The following ZNF544 variants were observed in gnomAD, a reference collection of about 807,000 sequenced individuals.
ZNF544 encodes the protein zinc finger protein 544.
Under a neutral mutation model 13.5 loss-of-function variants are expected in ZNF544, and 10 were observed. That is an observed-to-expected ratio of 0.74 (90% CI 0.46 to 1.25). ZNF544 has a LOEUF of 1.25. Ranked by LOEUF, ZNF544 falls within the 50% of genes most tolerant of loss-of-function variation. ZNF544 has a pLI of 0.00. For synonymous variants in ZNF544, 323 were observed against 300.5 expected (o/e 1.07, Z -0.77); for missense variants, 896 against 845.6 (o/e 1.06, Z -0.74).
chr19:58,246,338 C>T lies in ZNF544; in HGVS notation c.71C>T (p.Thr24Ile), dbSNP rs944579564. The T allele has an allele frequency of 2.5e-6, 4 of 1,613,954 alleles. No homozygotes were observed. The highest frequency in any genetic ancestry group is 3.3e-5 in the Admixed American group (2 of 59,982). ...VCFEDVAMAFTQEEWEQLDLA... is the reference protein window; with the variant it reads ...VCFEDVAMAFIQEEWEQLDLA... ...TTCGAGGATGTGGCTATGGCATTCA[C>T]ACAGGAGGAGTGGGAACAGCTGGAC... The change falls in exon 5 of 7, where the codon ACA becomes ATA. Residue 24 changes from threonine (T) to isoleucine (I), a missense_variant. Transcript: ENST00000687789.
chr19:58,263,145 C>T lies in ZNF544; in HGVS notation c.*391C>T. The T allele has an allele frequency of 9.9e-7, 1 of 1,007,182 alleles. No homozygotes were observed. The highest frequency in any genetic ancestry group is 4.1e-5 in the South Asian group (1 of 24,568). The allele number at this position is 1,007,182 out of a possible 1,614,324, so 62.4% of individuals were successfully genotyped here. A position where few individuals can be genotyped will look rare whatever the true frequency, so the allele number is the denominator to read the frequency against. The stretch of plus-strand genomic sequence containing the variant: ...TTTCCTTATTCAACATGAGAAAGCT[C>T]ATGGGCAAGAAACTCTATGAATAAC... On this transcript the variant is annotated 3_prime_UTR_variant, in exon 7 of 7. Coordinates refer to ENST00000687789, the MANE Select transcript of ZNF544 (RefSeq NM_014480.4).
At chr19:58,260,790 C>G in intron 6 of ZNF544, 61 bp from the exon 7 acceptor site, 1 of 1,422,778 alleles carries the variant, frequency 7.0e-7, no homozygotes, top group South Asian at 1.5e-5. Flanking sequence ...TCCTTCATCT[C>G]CCCCTCCCCC....
intron 6 of ZNF544, among the ~76,000 whole-genome samples, chr19:58,255,693 G>T (rs1316701178): frequency 6.6e-6 from 1 of 152,254 alleles, no homozygotes; most frequent in Non-Finnish European, 1.5e-5. Context: ...ACTTTAAGGA[G>T]AATTTTGCAT....
intron 3 of ZNF544, among the ~76,000 whole-genome samples, chr19:58,233,181 G>T (rs1227378808): frequency 6.6e-6 from 1 of 152,046 alleles, no homozygotes; most frequent in Non-Finnish European, 1.5e-5. Context: ...GCAAGGAAAA[G>T]ACCTGCCCCC....
chr19:58,260,788 C>CT (rs2048751677), intron 6 of ZNF544, 63 bp from the exon 7 acceptor site: 1 of 1,421,734 alleles, frequency 7.0e-7, no homozygotes, highest in Admixed American at 2.7e-5. Flanking sequence ...TCTCCTTCAT[C>CT]TCCCCCTCCC....
In ZNF544 at chr19:58,260,879, G is replaced by A. The variant is rs759826698; in HGVS notation, c.273G>A (p.Arg91=). 1 of 1,610,226 alleles carries A rather than the reference G, an allele frequency of 6.2e-7. No homozygotes were observed. The highest frequency in any genetic ancestry group is 8.5e-7 in the Non-Finnish European group (1 of 1,178,550). Residue 91 remains arginine, a synonymous_variant, in exon 7 of 7, where the codon AGG becomes AGA. Transcript: ENST00000687789. Reference sequence around the variant, plus strand: ...GGAAAGCTACCCTTGAGGAGAATAGGTTGAATTCTGAAAAAGATCGAGCTA... The same window carrying A: ...GGAAAGCTACCCTTGAGGAGAATAGATTGAATTCTGAAAAAGATCGAGCTA... ...RDWKATLEEN[R]LNSEKDRARE... is the part of the protein sequence containing the mutation.
At position 58,261,056 on chromosome 19, in the gene ZNF544, G is replaced by T. The variant is rs1600390476; in HGVS notation, c.450G>T (p.Leu150=). ...TCATGGTACTCACCTCAGAGAGACT[G>T]TTTGCTCAAAGGGAACATTGTGAGC... ...LRFMVLTSER[L]FAQREHCELE... is the part of the protein sequence containing the mutation. Residue 150 remains leucine (L), a synonymous_variant, in exon 7 of 7, where the codon CTG becomes CTT. Coordinates refer to ENST00000687789, the MANE Select transcript of ZNF544 (RefSeq NM_014480.4). 6 of 1,614,186 alleles carry T rather than the reference G, an allele frequency of 3.7e-6. No individual in the cohort carries two copies. Among genetic ancestry groups the T allele is most frequent in the Non-Finnish European group, 5.1e-6 (6 of 1,180,030 alleles).
At chr19:58,257,248 G>C (rs1433282857) in intron 6 of ZNF544, 1 of 152,138 alleles carries the variant, frequency 6.6e-6, no homozygotes, top group African/African-American at 2.4e-5. Flanking sequence ...ACAAAGAATT[G>C]GACGAAACAC....
At chr19:58,241,499 CTTTT>C (rs568335282) in intron 3 of ZNF544, among the ~76,000 whole-genome samples, 1 of 138,962 alleles carries the variant, frequency 7.2e-6, no homozygotes, top group Non-Finnish European at 1.6e-5. Context: ...CATTCCATTT[CTTTT>C]TTTTTTTTTT....
At chr19:58,276,006 C>CA (rs930814293) in intron 5 of ZNF544, among the ~76,000 whole-genome samples, 8 of 151,832 alleles carry the variant, frequency 5.3e-5, no homozygotes, top group African/African-American at 1.7e-4. Context: ...GGCAACATGG[C>CA]AAAATCCAGT....
intron 3 of ZNF544, among the ~76,000 whole-genome samples, chr19:58,234,380 C>T (rs1428635491): frequency 6.6e-6 from 1 of 152,200 alleles, no homozygotes; most frequent in African/African-American, 2.4e-5. Context: ...ATGCTGACTG[C>T]ACTTCATTGT....
intron 6 of ZNF544, among the ~76,000 whole-genome samples, chr19:58,255,081 G>C (rs1014601423): frequency 7.9e-5 from 12 of 151,650 alleles, no homozygotes; most frequent in Non-Finnish European, 1.8e-4. Flanking sequence ...GTAGAGATGG[G>C]GTTTCACCAT....
intron 6 of ZNF544, chr19:58,258,221 T>G (rs1468584375): frequency 6.6e-6 from 1 of 152,408 alleles, no homozygotes; most frequent in Non-Finnish European, 1.5e-5. Flanking sequence ...TGGACACAAC[T>G]CAGCCACCCA....
chr19:58,267,322 A>G (rs2050042240), downstream of ZNF544, among the ~76,000 whole-genome samples: 1 of 151,294 alleles, frequency 6.6e-6, no homozygotes, highest in Admixed American at 6.6e-5. Flanking sequence ...TTGGCCTCCC[A>G]AAGTGCTGGG....
intron 5 of ZNF544, among the ~76,000 whole-genome samples, chr19:58,270,304 C>CTTTTTTTTTT (rs202213273): frequency 7.3e-6 from 1 of 136,408 alleles, no homozygotes. Flanking sequence ...TAGGTATTGG[C>CTTTTTTTTTT]TTTTTTTTTC....
At chr19:58,276,523 A>G in intron 6 of ZNF544, 1 of 769,016 alleles carries the variant, frequency 1.3e-6, no homozygotes, top group South Asian at 6.7e-5. Context: ...GCTGGAGTGC[A>G]GTGGCGCAAT....
At chr19:58,246,967 A>C (rs1354218315) in intron 6 of ZNF544, among the ~76,000 whole-genome samples, 173 bp downstream of exon 6, 1 of 152,218 alleles carries the variant, frequency 6.6e-6, no homozygotes, top group Non-Finnish European at 1.5e-5. Flanking sequence ...TATGCAGTTC[A>C]TGGCTTCCAG....
chr19:58,243,231 C>G (rs1434020249), intron 3 of ZNF544, among the ~76,000 whole-genome samples: 1 of 152,026 alleles, frequency 6.6e-6, no homozygotes, highest in Non-Finnish European at 1.5e-5. Context: ...GGCAGAGATA[C>G]AGGATGCGCT....
downstream of ZNF544, chr19:58,263,695 TCATGCCTGTAATC>T: frequency 1.8e-6 from 1 of 548,800 alleles, no homozygotes; most frequent in Non-Finnish European, 2.3e-6. Context: ...GCATGGTGGC[TCATGCCTGTAATC>T]CCAGCACTTT....
Sources: allele counts gnomAD v4.1 joint callset (sites outside exome capture counted in the v4.1 genomes callset), GRCh38; gene constraint gnomAD v4.1.1; transcripts MANE v1.5; gene names NCBI Gene and HGNC (gene_info 2026-07-23, HGNC 2026-07-21).